NLGN1: variants seen among roughly 807,000 people sequenced by gnomAD.
NLGN1 encodes neuroligin 1.
NLGN1 carries 12 observed loss-of-function variants against 65.5 expected under a neutral mutation model. That is an observed-to-expected ratio of 0.18 (90% CI 0.12 to 0.30). The LOEUF is 0.30. Ranked by LOEUF, NLGN1 falls within the 10% of genes least tolerant of loss-of-function variation. NLGN1 has a pLI of 1.00. For missense variants in NLGN1, 750 were observed against 1,007.1 expected (o/e 0.74, Z 3.46); for synonymous variants, 350 against 359.5 (o/e 0.97, Z 0.30).
chr3:173,460,538 T>G (rs1417574727), intron 2 of NLGN1, among the ~76,000 whole-genome samples: 1 of 152,152 alleles, frequency 6.6e-6, no homozygotes, highest in Non-Finnish European at 1.5e-5. Context: ...GCTCAAGAAC[T>G]GAAGGTATGG....
chr3:173,910,384 T>C (rs1739349096), intron 4 of NLGN1: 1 of 152,174 alleles, frequency 6.6e-6, no homozygotes, highest in Non-Finnish European at 1.5e-5. Context: ...AAACTTTTCC[T>C]ACAACAGACT....
At chr3:174,268,231 C>CT (rs1332518815) in intron 4 of NLGN1, among the ~76,000 whole-genome samples, 1 of 152,090 alleles carries the variant, frequency 6.6e-6, no homozygotes, top group African/African-American at 2.4e-5. Context: ...AGATATTCTT[C>CT]TTTTTTCACT....
At chr3:173,800,773 C>T (rs1743300722) in intron 3 of NLGN1, among the ~76,000 whole-genome samples, 1 of 151,780 alleles carries the variant, frequency 6.6e-6, no homozygotes, top group African/African-American at 2.4e-5. Context: ...TTACATTCGA[C>T]ATTTGTTTTA....
chr3:174,063,651 C>A (rs947043296), intron 4 of NLGN1, among the ~76,000 whole-genome samples: 18 of 151,570 alleles, frequency 1.2e-4, no homozygotes, highest in African/African-American at 4.4e-4. Context: ...ACTAGCTTAG[C>A]AAAAATGGTA....
intron 4 of NLGN1, among the ~76,000 whole-genome samples, chr3:173,895,793 C>T (rs1322571618): frequency 3.3e-5 from 5 of 151,890 alleles, no homozygotes; most frequent in Admixed American, 1.3e-4. Context: ...TGGGTTCAAG[C>T]GATTCTCCTG....
rs548709267 is a variant in NLGN1 at position 174,132,998 on chromosome 3, C to G, written c.647-142317C>G. On this transcript the variant is annotated intron_variant, in intron 4 of 6. Transcript: ENST00000457714. ...TGTGAAATCTTGAGTGTCATTGATT[C>G]CACCTCAGCCTCTTCTAACCTACTG... Among the ~76,000 whole-genome samples the G allele has an allele frequency of 4.6e-5, 7 of 152,306 alleles. No individual in the cohort carries two copies. The East Asian group carries it at 1.2e-3, about 25-fold the overall frequency.
intron 3 of NLGN1, among the ~76,000 whole-genome samples, chr3:173,762,242 C>T (rs947152858): frequency 2.0e-5 from 3 of 151,974 alleles, no homozygotes; most frequent in Non-Finnish European, 2.9e-5. Context: ...TCATGTTCTC[C>T]GATATGCAAA....
At chr3:174,072,078 A>G (rs1740007934) in intron 4 of NLGN1, among the ~76,000 whole-genome samples, 1 of 152,214 alleles carries the variant, frequency 6.6e-6, no homozygotes, top group Admixed American at 6.5e-5. Flanking sequence ...AGTAAAAGTA[A>G]TTATGTTACC....
intron 4 of NLGN1, among the ~76,000 whole-genome samples, chr3:173,921,980 C>T (rs559442987): frequency 6.6e-6 from 1 of 152,216 alleles, no homozygotes; most frequent in East Asian, 1.9e-4. Flanking sequence ...GAGCCCAATT[C>T]AGGGCCTTAG....
At chr3:173,773,984 T>G (rs999454212) in intron 3 of NLGN1, among the ~76,000 whole-genome samples, 3 of 152,036 alleles carry the variant, frequency 2.0e-5, no homozygotes, top group Non-Finnish European at 4.4e-5. Context: ...CCCGAAGTCA[T>G]AAGGTGGTAA....
intron 4 of NLGN1, among the ~76,000 whole-genome samples, chr3:173,949,062 T>C (rs1002594327): frequency 1.3e-5 from 2 of 152,066 alleles, no homozygotes; most frequent in African/African-American, 4.8e-5. Context: ...TGTAAAAATA[T>C]ATTAACTCAT....
intron 4 of NLGN1, among the ~76,000 whole-genome samples, chr3:174,078,562 ATGGAAGG>A: frequency 6.6e-6 from 1 of 152,168 alleles, no homozygotes; most frequent in East Asian, 1.9e-4. Flanking sequence ...TAATGACCTA[ATGGAAGG>A]GTTTTACTCT....
At chr3:173,645,504 G>A (rs888356408) in intron 3 of NLGN1, among the ~76,000 whole-genome samples, 1 of 152,186 alleles carries the variant, frequency 6.6e-6, no homozygotes, top group African/African-American at 2.4e-5. Flanking sequence ...GGTCTAGTGG[G>A]CTGTGGCAGT....
chr3:173,446,571 G>A (rs1007243435), intron 2 of NLGN1, among the ~76,000 whole-genome samples: 2 of 152,160 alleles, frequency 1.3e-5, no homozygotes, highest in African/African-American at 4.8e-5. Context: ...AATCCTTTGG[G>A]TATATACCCA....
chr3:173,749,233 C>G (rs113913453), intron 3 of NLGN1, among the ~76,000 whole-genome samples: 3 of 152,070 alleles, frequency 2.0e-5, no homozygotes, highest in Middle Eastern at 3.4e-3. Flanking sequence ...CATAAAGCCA[C>G]AGTTTAAAAT....
intron 3 of NLGN1, among the ~76,000 whole-genome samples, chr3:173,737,105 G>A (rs1773894363): frequency 6.6e-6 from 1 of 151,798 alleles, no homozygotes; most frequent in South Asian, 2.1e-4. Flanking sequence ...AAAATCCACT[G>A]GTAGTTTATT....
At chr3:174,131,910 G>A (rs1171855764) in intron 4 of NLGN1, among the ~76,000 whole-genome samples, 1 of 152,188 alleles carries the variant, frequency 6.6e-6, no homozygotes, top group African/African-American at 2.4e-5. Flanking sequence ...CATACTTTCA[G>A]AAAAGTGTTC....
At chr3:174,030,534 T>C (rs1729785038) in intron 4 of NLGN1, among the ~76,000 whole-genome samples, 1 of 152,222 alleles carries the variant, frequency 6.6e-6, no homozygotes, top group Admixed American at 6.5e-5. Flanking sequence ...TGTGTCTGAT[T>C]CTGAAGTATG....
At chr3:173,776,365 A>T (rs2150294506) in intron 3 of NLGN1, among the ~76,000 whole-genome samples, 1 of 152,138 alleles carries the variant, frequency 6.6e-6, no homozygotes, top group South Asian at 2.1e-4. Context: ...GGTTAAATGA[A>T]CCATGGCTTG....
Sources: gnomAD v4.1 joint callset for allele counts (sites outside exome capture counted in the v4.1 genomes callset) on GRCh38, gnomAD v4.1.1 for gene constraint, MANE v1.5 for transcripts, NCBI Gene and HGNC (gene_info 2026-07-23, HGNC 2026-07-21) for gene names.